The following C1QTNF3 variants were observed in gnomAD, a reference collection of about 807,000 sequenced individuals.
C1QTNF3 encodes the protein complement C1q tumor necrosis factor-related protein 3.
Under a neutral mutation model 32.6 loss-of-function variants are expected in C1QTNF3, and 26 were observed. The ratio of observed to expected loss-of-function variants is 0.80; its 90% CI spans 0.58 to 1.11. The LOEUF (loss-of-function observed/expected upper bound fraction) is 1.11. C1QTNF3 is among the 50% of genes least tolerant of loss of function. The pLI, the probability that C1QTNF3 is intolerant of heterozygous loss-of-function variation, is 0.00. For synonymous variants in C1QTNF3, 155 were observed against 146.0 expected, an observed-to-expected ratio of 1.06 and a Z score of -0.44; for missense variants, 362 against 398.2, an observed-to-expected ratio of 0.91 and a Z score of 0.77.
At chr5:34,147,214 T>TA in the C1QTNF3 span, among the ~76,000 whole-genome samples, 1 of 152,234 alleles carries the variant, frequency 6.6e-6, no homozygotes, top group Non-Finnish European at 1.5e-5. Context: ...TTGCTGGGTA[T>TA]ATGAATTAGT....
the C1QTNF3 span, chr5:34,218,155 G>A: frequency 1.3e-5 from 2 of 152,484 alleles, no homozygotes; most frequent in East Asian, 3.9e-4. Flanking sequence ...ATGTGATAAT[G>A]TATTTGATAT....
the C1QTNF3 span, among the ~76,000 whole-genome samples, chr5:34,141,885 A>G: frequency 6.6e-6 from 1 of 152,014 alleles, no homozygotes; most frequent in Admixed American, 6.6e-5. Flanking sequence ...CAACCCAAGG[A>G]TCTGGAGAAT....
At chr5:34,039,760 A>G (rs1754822616) in intron 1 of C1QTNF3, among the ~76,000 whole-genome samples, 1 of 152,212 alleles carries the variant, frequency 6.6e-6, no homozygotes, top group South Asian at 2.1e-4. Context: ...CAGCTCTACA[A>G]TGCAAAGATA....
the C1QTNF3 span, among the ~76,000 whole-genome samples, chr5:34,133,480 A>C: frequency 6.6e-6 from 1 of 152,196 alleles, no homozygotes; most frequent in Non-Finnish European, 1.5e-5. Context: ...AATCTCATGA[A>C]GCAGCAGTAC....
chr5:34,074,706 A>G, the C1QTNF3 span, among the ~76,000 whole-genome samples: 1 of 151,802 alleles, frequency 6.6e-6, no homozygotes, highest in South Asian at 2.1e-4. Flanking sequence ...TGCACTGATT[A>G]ATAAAACAAC....
the C1QTNF3 span, among the ~76,000 whole-genome samples, chr5:34,052,896 A>G: frequency 1.3e-5 from 2 of 152,194 alleles, no homozygotes; most frequent in Admixed American, 6.5e-5. Flanking sequence ...ACTAAAAACA[A>G]TTTCTTTTTT....
the C1QTNF3 span, among the ~76,000 whole-genome samples, chr5:34,118,894 CTCTA>C: frequency 1.3e-5 from 2 of 151,944 alleles, no homozygotes; most frequent in African/African-American, 4.8e-5. Flanking sequence ...TTCACTATCT[CTCTA>C]TCTAAACTTA....
At chr5:34,160,646 G>A in the C1QTNF3 span, among the ~76,000 whole-genome samples, 1 of 152,186 alleles carries the variant, frequency 6.6e-6, no homozygotes, top group East Asian at 1.9e-4. Flanking sequence ...CTAAATGTGT[G>A]ACCTTGGCCA....
At chr5:34,043,267 G>A (rs1754919922), upstream of C1QTNF3, 2 of 820,282 alleles carry the variant, frequency 2.4e-6, no homozygotes, top group Non-Finnish European at 3.8e-6. Flanking sequence ...AAATAAGGCT[G>A]TAGGCATGCC....
chr5:34,179,916 T>A, the C1QTNF3 span, among the ~76,000 whole-genome samples: 32 of 146,156 alleles, frequency 2.2e-4, no homozygotes, highest in Non-Finnish European at 3.3e-4. Flanking sequence ...GGAGTGGAGA[T>A]GCATGCACAG....
chr5:34,202,105 C>T, the C1QTNF3 span, among the ~76,000 whole-genome samples: 1 of 152,134 alleles, frequency 6.6e-6, no homozygotes, highest in African/African-American at 2.4e-5. Context: ...CATATGCAAA[C>T]AATCGGTAAG....
At chr5:34,025,219 A>C (rs964737613) in intron 4 of C1QTNF3, among the ~76,000 whole-genome samples, 4 of 152,250 alleles carry the variant, frequency 2.6e-5, no homozygotes, top group African/African-American at 9.6e-5. Flanking sequence ...CAAGGAAAAT[A>C]GTTTATATGT....
the C1QTNF3 span, chr5:34,168,007 T>G: frequency 6.6e-6 from 1 of 151,938 alleles, no homozygotes; most frequent in Non-Finnish European, 1.5e-5. Flanking sequence ...AACATGTTTC[T>G]TTTTTCACAA....
chr5:34,140,821 T>C, the C1QTNF3 span, among the ~76,000 whole-genome samples: 7 of 152,342 alleles, frequency 4.6e-5, no homozygotes, highest in African/African-American at 7.2e-5. Flanking sequence ...AACTGAAAAT[T>C]TGTAGCACCC....
At chr5:34,160,887 A>G in the C1QTNF3 span, among the ~76,000 whole-genome samples, 1 of 152,212 alleles carries the variant, frequency 6.6e-6, no homozygotes, top group South Asian at 2.1e-4. Context: ...AGCAAAAGAA[A>G]AAAAAAACCT....
the C1QTNF3 span, among the ~76,000 whole-genome samples, chr5:34,111,983 T>C: frequency 3.3e-5 from 5 of 152,016 alleles, no homozygotes; most frequent in African/African-American, 1.2e-4. Flanking sequence ...TATACCTGAG[T>C]TGGAGGAGAG....
At chr5:34,038,793 C>T (rs142164238) in intron 1 of C1QTNF3, among the ~76,000 whole-genome samples, 140 of 152,224 alleles carry the variant, frequency 9.2e-4, no homozygotes, top group Middle Eastern at 3.4e-3. Flanking sequence ...TCTCTCCCTT[C>T]CCTTCTTGAT....
chr5:34,213,749 A>C, the C1QTNF3 span, among the ~76,000 whole-genome samples: 2 of 123,128 alleles, frequency 1.6e-5, no homozygotes, highest in African/African-American at 6.2e-5. Context: ...TAGTGTGTGT[A>C]TATATATATA....
At chr5:34,116,805 G>A in the C1QTNF3 span, among the ~76,000 whole-genome samples, 13 of 152,104 alleles carry the variant, frequency 8.5e-5, no homozygotes, top group East Asian at 1.9e-4. Context: ...CATGTTGGCC[G>A]GGCTGGTTTG....
Sources: gnomAD v4.1 joint callset for allele counts (sites outside exome capture counted in the v4.1 genomes callset) on GRCh38, gnomAD v4.1.1 for gene constraint, MANE v1.5 for transcripts, NCBI Gene and HGNC (gene_info 2026-07-23, HGNC 2026-07-21) for gene names.